The following KCNIP4 variants were observed in gnomAD, a reference collection of about 807,000 sequenced individuals.
KCNIP4 encodes the protein Kv channel-interacting protein 4.
KCNIP4 carries 12 observed loss-of-function variants against 34.0 expected under a neutral mutation model. The observed-to-expected ratio is 0.35, with a 90% CI of 0.23 to 0.57. The LOEUF is 0.57. KCNIP4 is among the 20% of genes least tolerant of loss of function. The pLI, the probability that KCNIP4 is intolerant of heterozygous loss-of-function variation, is 0.83. For synonymous variants in KCNIP4, 124 were observed against 102.2 expected (o/e 1.21, Z -1.29); for missense variants, 238 against 311.7 (o/e 0.76, Z 1.78).
rs137987813 is a variant in KCNIP4, at chr4:21,874,127, A to G, written c.61+74444T>C. ...TTCGAAGGGGGCACTTAACCATATC[A>G]TTGGGTGGAATTGTTAGACCAGAAT... On this transcript the variant is annotated intron_variant, in intron 1 of 8. Transcript: ENST00000382152. Among the ~76,000 whole-genome samples the G allele has an allele frequency of 2.2e-3, 331 of 152,342 alleles. 1 individual carries two copies. Among genetic ancestry groups the G allele is most frequent in the African/African-American group, 7.5e-3 (312 of 41,582 alleles).
chr4:21,905,045 T>TGCATTGAGCAA (rs1727915681), intron 1 of KCNIP4, among the ~76,000 whole-genome samples: 1 of 152,218 alleles, frequency 6.6e-6, no homozygotes. Context: ...CTCTTCAATA[T>TGCATTGAGCAA]TATGCATAAG....
intron 1 of KCNIP4, among the ~76,000 whole-genome samples, chr4:21,565,943 C>T (rs1179207040): frequency 1.3e-5 from 2 of 152,076 alleles, no homozygotes; most frequent in Admixed American, 1.3e-4. Context: ...TAGAATTTAT[C>T]TGCCAGATAG....
chr4:20,777,371 G>C (rs912192433), intron 3 of KCNIP4, among the ~76,000 whole-genome samples: 1 of 152,140 alleles, frequency 6.6e-6, no homozygotes, highest in Non-Finnish European at 1.5e-5. Flanking sequence ...GGGGATTATG[G>C]GAACTACAAT....
At chr4:20,762,624 A>C (rs993553215) in intron 3 of KCNIP4, among the ~76,000 whole-genome samples, 1 of 152,250 alleles carries the variant, frequency 6.6e-6, no homozygotes, top group African/African-American at 2.4e-5. Flanking sequence ...GCCAGGCTGC[A>C]TGTGCAGCAA....
rs1194587850 is a variant in KCNIP4 at position 21,843,790 on chromosome 4, T to C, written c.61+104781A>G. On this transcript the variant is annotated intron_variant, in intron 1 of 8. Coordinates refer to ENST00000382152, the MANE Select transcript of KCNIP4 (RefSeq NM_025221.6). ...ACGACAATTACAATTGCAAGTAATATGACAATATGAGGTCTTCAATGAACA... is the reference window on the plus strand; with the variant it reads ...ACGACAATTACAATTGCAAGTAATACGACAATATGAGGTCTTCAATGAACA... 2.0e-5 allele frequency: 3 copies of C among 152,210 alleles called. No individual in the cohort carries two copies. The East Asian group carries it at 5.8e-4, about 29-fold the overall frequency. The allele number at this position is 152,210 out of a possible 1,614,324, so 9.4% of individuals were successfully genotyped here.
intron 1 of KCNIP4, among the ~76,000 whole-genome samples, chr4:21,279,436 A>T (rs968821780): frequency 1.3e-4 from 19 of 151,752 alleles, no homozygotes; most frequent in Admixed American, 6.6e-4. Context: ...CTTTTTGAAA[A>T]CTGAGTTTTG....
At chr4:21,342,538 C>T (rs988861082) in intron 1 of KCNIP4, among the ~76,000 whole-genome samples, 2 of 152,110 alleles carry the variant, frequency 1.3e-5, no homozygotes, top group Admixed American at 1.3e-4. Context: ...CTTCCTCTGA[C>T]AATAAATCCA....
chr4:21,851,269 CAG>C (rs1724367019), intron 1 of KCNIP4: 1 of 152,056 alleles, frequency 6.6e-6, no homozygotes, highest in African/African-American at 2.4e-5. Flanking sequence ...AACCAAGGCT[CAG>C]AAAGGCTTTC....
chr4:21,583,411 A>C (rs866721428), intron 1 of KCNIP4, among the ~76,000 whole-genome samples: 1 of 151,948 alleles, frequency 6.6e-6, no homozygotes, highest in African/African-American at 2.4e-5. Flanking sequence ...TACTTAAATA[A>C]GGCAATATAT....
chr4:20,950,510 CT>C (rs1732670516), intron 1 of KCNIP4, among the ~76,000 whole-genome samples: 1 of 152,060 alleles, frequency 6.6e-6, no homozygotes, highest in African/African-American at 2.4e-5. Flanking sequence ...CACAGTCGAT[CT>C]GCAATCAAAA....
intron 1 of KCNIP4, among the ~76,000 whole-genome samples, chr4:21,425,054 A>G (rs1725818639): frequency 6.6e-6 from 1 of 152,188 alleles, no homozygotes; most frequent in Non-Finnish European, 1.5e-5. Context: ...TGATGGGGGA[A>G]GGGACATTGG....
chr4:21,872,861 C>A (rs1208078505), intron 1 of KCNIP4, among the ~76,000 whole-genome samples: 1 of 152,150 alleles, frequency 6.6e-6, no homozygotes, highest in Non-Finnish European at 1.5e-5. Flanking sequence ...TTCTATGAAG[C>A]CAGTATAGAA....
At chr4:21,231,224 C>T (rs1236931316) in intron 1 of KCNIP4, among the ~76,000 whole-genome samples, 2 of 152,108 alleles carry the variant, frequency 1.3e-5, no homozygotes, top group Admixed American at 6.6e-5. Context: ...CCAAAATTCT[C>T]TTAAAGGGCT....
At position 21,707,810 on chromosome 4, in the gene KCNIP4, G is replaced by A. The variant is rs145878419; in HGVS notation, c.61+240761C>T. 1.7e-3 allele frequency among the ~76,000 whole-genome samples: 265 copies of A among 152,080 alleles called. 10 individuals carry two copies. In the South Asian group the frequency reaches 0.037, roughly 21 times the overall value. On this transcript the variant is annotated intron_variant, in intron 1 of 8. Transcript: ENST00000382152. Reference sequence around the variant, plus strand: ...AAAGGAAAGGTTGAGGGGTCAGTATGGTTAGGGGAGCTAAGTTTCCAGTCA... The same window carrying A: ...AAAGGAAAGGTTGAGGGGTCAGTATAGTTAGGGGAGCTAAGTTTCCAGTCA...
At chr4:20,922,539 GTCTGTCTGTCTA>G (rs1483015610) in intron 1 of KCNIP4, among the ~76,000 whole-genome samples, 3 of 88,086 alleles carry the variant, frequency 3.4e-5, no homozygotes, top group Non-Finnish European at 7.0e-5. Context: ...CTGTCTGTCT[GTCTGTCTGTCTA>G]TCTATCTATC....
Position 21,157,577 on chromosome 4 carries a change from G to C in KCNIP4, c.62-274868C>G, listed in dbSNP as rs116080649. 1.8e-3 allele frequency among the ~76,000 whole-genome samples: 273 copies of C among 151,838 alleles called. 2 individuals carry two copies. Among genetic ancestry groups the C allele is most frequent in the African/African-American group, 6.1e-3 (254 of 41,442 alleles). ...TGAGATGAGCCCTACAATTGCCCAAGCAATTATGAGACAAGGAAGAATGCA... is the reference window on the plus strand; with the variant it reads ...TGAGATGAGCCCTACAATTGCCCAACCAATTATGAGACAAGGAAGAATGCA... On this transcript the variant is annotated intron_variant, in intron 1 of 8. Transcript: ENST00000382152.
At chr4:21,528,276 GTTA>G (rs1232287570) in intron 1 of KCNIP4, among the ~76,000 whole-genome samples, 3 of 152,042 alleles carry the variant, frequency 2.0e-5, no homozygotes, top group African/African-American at 7.2e-5. Flanking sequence ...TGGGATTTGA[GTTA>G]TTGTTGTTGT....
At chr4:21,397,434 A>G (rs1417875276) in intron 1 of KCNIP4, among the ~76,000 whole-genome samples, 1 of 152,338 alleles carries the variant, frequency 6.6e-6, no homozygotes, top group Admixed American at 6.5e-5. Context: ...TAGCTAATGT[A>G]TGCAGGGCTT....
At chr4:21,860,576 T>C (rs1405873571) in intron 1 of KCNIP4, among the ~76,000 whole-genome samples, 1 of 152,188 alleles carries the variant, frequency 6.6e-6, no homozygotes, top group African/African-American at 2.4e-5. Context: ...AGAAATTTGA[T>C]ACTTGAACAG....
Sources: allele counts gnomAD v4.1 joint callset (sites outside exome capture counted in the v4.1 genomes callset), GRCh38; gene constraint gnomAD v4.1.1; transcripts MANE v1.5; gene names NCBI Gene and HGNC (gene_info 2026-07-23, HGNC 2026-07-21).